The following CLPB variants were observed in gnomAD, a reference collection of about 807,000 sequenced individuals.
The protein encoded by CLPB is mitochondrial disaggregase.
In CLPB, 40 loss-of-function variants were observed where a neutral mutation model predicts 78.4. The observed-to-expected ratio is 0.51, with a 90% CI of 0.40 to 0.66. The LOEUF (loss-of-function observed/expected upper bound fraction) is 0.66, where lower values mean the gene tolerates loss of function less well. Ranked by LOEUF, CLPB falls within the 30% of genes least tolerant of loss-of-function variation. The probability of loss-of-function intolerance (pLI) is 0.00; values close to 1 mark genes in which losing one functional copy is unlikely to be tolerated. For missense variants in CLPB, 780 were observed against 886.9 expected (o/e 0.88, Z 1.53); for synonymous variants, 333 against 348.0 (o/e 0.96, Z 0.48).
chr11:72,307,998 G>T (rs564144319), intron 8 of CLPB, among the ~76,000 whole-genome samples: 1 of 152,174 alleles, frequency 6.6e-6, no homozygotes, highest in Non-Finnish European at 1.5e-5. Flanking sequence ...TGAAGGAATG[G>T]GGGGGTTCTG....
intron 4 of CLPB, among the ~76,000 whole-genome samples, chr11:72,360,532 G>A (rs916800541): frequency 6.6e-6 from 1 of 151,880 alleles, no homozygotes; most frequent in Non-Finnish European, 1.5e-5. Context: ...CCTCTACCTC[G>A]GTTCAAGCGT....
intron 4 of CLPB, among the ~76,000 whole-genome samples, chr11:72,379,001 T>A (rs139992519): frequency 1.4e-4 from 21 of 152,124 alleles, no homozygotes; most frequent in African/African-American, 4.8e-4. Context: ...AAGGAGCAGG[T>A]TTAGAGAGGT....
chr11:72,317,808 G>A (rs1048907686), intron 6 of CLPB, among the ~76,000 whole-genome samples: 5 of 152,344 alleles, frequency 3.3e-5, no homozygotes, highest in South Asian at 2.1e-4. Flanking sequence ...GCAGAGGAAG[G>A]AGGACTGTGC....
In CLPB at chr11:72,321,737, G is replaced by C. The variant is rs118104592; in HGVS notation, c.874-4517C>G. 1.6e-4 allele frequency among the ~76,000 whole-genome samples: 24 copies of C among 152,290 alleles called. No individual in the cohort carries two copies. The East Asian group carries it at 4.2e-3, about 27-fold the overall frequency. The stretch of plus-strand genomic sequence containing the variant: ...CAAGAATGGGAAGGTAGGTATGGAG[G>C]GGGAAGAGAAGAGAGGCCAAGCTGC... On this transcript the variant is annotated intron_variant, in intron 6 of 15. Coordinates refer to ENST00000538039, the MANE Select transcript of CLPB (RefSeq NM_001258392.3).
In CLPB at chr11:72,434,181, G is replaced by A. The variant is rs1297536036; in HGVS notation, c.294C>T (p.Leu98=). ...WGRLPGPEET[L]PGQDSWNGVP... is the part of the protein sequence containing the mutation. ...CCCCGTTCCAGCTGTCCTGTCCTGG[G>A]AGTGTTTCTTCGGGACCAGGAAGGC... Residue 98 remains leucine (L), a synonymous_variant, in exon 1 of 16, where the codon CTC becomes CTT. Coordinates refer to ENST00000538039, the MANE Select transcript of CLPB (RefSeq NM_001258392.3). The A allele has an allele frequency of 6.2e-7, 1 of 1,613,380 alleles. No homozygotes were observed. The highest frequency in any genetic ancestry group is 2.2e-5 in the East Asian group (1 of 44,872).
At chr11:72,419,837 C>T (rs975861117) in intron 2 of CLPB, among the ~76,000 whole-genome samples, 1 of 152,180 alleles carries the variant, frequency 6.6e-6, no homozygotes, top group Non-Finnish European at 1.5e-5. Context: ...GTTGTCATTT[C>T]GCATTTGTAG....
intron 6 of CLPB, among the ~76,000 whole-genome samples, chr11:72,327,739 T>C (rs972414885): frequency 6.6e-6 from 1 of 152,232 alleles, no homozygotes; most frequent in African/African-American, 2.4e-5. Flanking sequence ...CCTAAGATTA[T>C]GCACAACAGT....
At position 72,402,461 on chromosome 11, in the gene CLPB, ATACAATAGC is replaced by A. The variant is rs1855590908; in HGVS notation, c.542+496_542+504del. Among the ~76,000 whole-genome samples, 6 of 152,338 alleles carry A rather than the reference ATACAATAGC, an allele frequency of 3.9e-5. No individual in the cohort carries two copies. In the South Asian group the frequency reaches 1.2e-3, roughly 32 times the overall value. ...CACAAAGTAAACTATTTCAATCTTT[ATACAATAGC>A]TACAACCCTGATAGGATGGGGGAGG... On this transcript the variant is annotated intron_variant, in intron 3 of 15. Transcript: ENST00000538039.
intron 6 of CLPB, among the ~76,000 whole-genome samples, chr11:72,327,698 T>C (rs771376141): frequency 3.3e-5 from 5 of 152,170 alleles, no homozygotes; most frequent in African/African-American, 4.8e-5. Context: ...CCACTGGGCT[T>C]GAAAGGGGAG....
At chr11:72,358,033 C>T (rs975543942) in intron 5 of CLPB, among the ~76,000 whole-genome samples, 2 of 152,114 alleles carry the variant, frequency 1.3e-5, no homozygotes, top group African/African-American at 4.8e-5. Flanking sequence ...CCAGATGCTT[C>T]CCACACTCTC....
chr11:72,389,827 C>G (rs1045425036), intron 3 of CLPB, among the ~76,000 whole-genome samples: 1 of 151,700 alleles, frequency 6.6e-6, no homozygotes, highest in African/African-American at 2.4e-5. Flanking sequence ...TCGGGAGGAT[C>G]GCTTGAGCTC....
At chr11:72,429,657 A>C (rs1856489223) in intron 2 of CLPB, among the ~76,000 whole-genome samples, 1 of 152,234 alleles carries the variant, frequency 6.6e-6, no homozygotes, top group Non-Finnish European at 1.5e-5. Context: ...CTGATGCCCC[A>C]TGCTGGCCCC....
chr11:72,394,102 T>C (rs915782840), intron 3 of CLPB, among the ~76,000 whole-genome samples: 6 of 152,216 alleles, frequency 3.9e-5, no homozygotes, highest in Non-Finnish European at 7.3e-5. Flanking sequence ...GACTATACTA[T>C]TTTTACATCA....
intron 3 of CLPB, among the ~76,000 whole-genome samples, chr11:72,395,346 A>G (rs1178516523): frequency 1.3e-5 from 2 of 152,064 alleles, no homozygotes; most frequent in African/African-American, 4.8e-5. Context: ...GGTCCATCCC[A>G]TGGCCTTGCT....
chr11:72,359,211 A>G (rs545041082), intron 4 of CLPB: 5 of 723,178 alleles, frequency 6.9e-6, no homozygotes, highest in Admixed American at 6.1e-5. Flanking sequence ...GTTTACTGAC[A>G]TCTGTTATGT....
chr11:72,424,902 AACAAAAAAAAAC>A (rs977641377), intron 2 of CLPB, among the ~76,000 whole-genome samples: 31 of 151,772 alleles, frequency 2.0e-4, no homozygotes, highest in African/African-American at 5.6e-4. Context: ...AACAAAACAA[AACAAAAAAAAAC>A]ACAAAAAAAA....
intron 3 of CLPB, among the ~76,000 whole-genome samples, chr11:72,391,078 C>T (rs1469461155): frequency 6.6e-6 from 1 of 152,078 alleles, no homozygotes; most frequent in African/African-American, 2.4e-5. Flanking sequence ...ATTAATTGAA[C>T]TTGACCATTT....
chr11:72,323,949 T>TTA (rs1565438383), intron 6 of CLPB, among the ~76,000 whole-genome samples: 1 of 151,742 alleles, frequency 6.6e-6, no homozygotes, highest in Admixed American at 6.6e-5. Context: ...GAGAAAAAAA[T>TTA]TATATATATA....
intron 2 of CLPB, among the ~76,000 whole-genome samples, chr11:72,421,668 G>A (rs1856203049): frequency 5.3e-5 from 8 of 152,188 alleles, no homozygotes; most frequent in Admixed American, 5.2e-4. Context: ...ACTGCGTTAG[G>A]CCCTGGCTGT....
Sources: allele counts gnomAD v4.1 joint callset (sites outside exome capture counted in the v4.1 genomes callset), GRCh38; gene constraint gnomAD v4.1.1; transcripts MANE v1.5; gene names NCBI Gene and HGNC (gene_info 2026-07-23, HGNC 2026-07-21).